The following ZNF83 variants were observed in gnomAD, a reference collection of about 807,000 sequenced individuals.
ZNF83 encodes the protein zinc finger protein 816B.
For synonymous variants in ZNF83, 209 were observed against 213.0 expected (o/e 0.98, Z 0.17); for missense variants, 552 against 629.9 (o/e 0.88, Z 1.32).
At chr19:52,615,852 T>C (rs2060284962) in intron 2 of ZNF83, among the ~76,000 whole-genome samples, 1 of 152,208 alleles carries the variant, frequency 6.6e-6, no homozygotes, top group Non-Finnish European at 1.5e-5. Flanking sequence ...TTTTTTTTCT[T>C]TTTGAGACGA....
At chr19:52,673,459 C>T (rs1486124654) in intron 1 of ZNF83, among the ~76,000 whole-genome samples, 2 of 151,958 alleles carry the variant, frequency 1.3e-5, no homozygotes, top group East Asian at 3.9e-4. Context: ...GCTGAGATCG[C>T]ACCACTACAC....
At chr19:52,664,477 C>CA (rs1256843189) in intron 1 of ZNF83, among the ~76,000 whole-genome samples, 1 of 151,934 alleles carries the variant, frequency 6.6e-6, no homozygotes, top group African/African-American at 2.4e-5. Context: ...ACCTGGGTGT[C>CA]AAAGTGAGAC....
intron 3 of ZNF83, among the ~76,000 whole-genome samples, chr19:52,647,577 T>C (rs553003500): frequency 7.4e-4 from 113 of 152,144 alleles, no homozygotes; most frequent in African/African-American, 2.5e-3. Flanking sequence ...TCACTGTGCC[T>C]GGCCCCTCTG....
At chr19:52,624,046 G>A (rs2060645256) in intron 2 of ZNF83, among the ~76,000 whole-genome samples, 1 of 151,990 alleles carries the variant, frequency 6.6e-6, no homozygotes, top group Non-Finnish European at 1.5e-5. Context: ...TACCTGGACT[G>A]ACACTGACAC....
chr19:52,620,799 A>G (rs2060514053), intron 2 of ZNF83, among the ~76,000 whole-genome samples: 1 of 152,188 alleles, frequency 6.6e-6, no homozygotes, highest in South Asian at 2.1e-4. Context: ...CAACCTTATG[A>G]CTTTCCATTA....
chr19:52,672,710 T>C (rs2061742885), intron 1 of ZNF83, among the ~76,000 whole-genome samples: 1 of 152,158 alleles, frequency 6.6e-6, no homozygotes, highest in Non-Finnish European at 1.5e-5. Flanking sequence ...AATGATTCTC[T>C]TGCCTCAGCC....
At chr19:52,654,559 A>G (rs1302900958) in intron 3 of ZNF83, among the ~76,000 whole-genome samples, 6 of 152,228 alleles carry the variant, frequency 3.9e-5, no homozygotes. Flanking sequence ...TCTATTAAAA[A>G]TACAAAAATT....
At chr19:52,635,495 G>A (rs2061115801) in intron 1 of ZNF83, 1 of 162,372 alleles carries the variant, frequency 6.2e-6, no homozygotes, top group South Asian at 2.0e-4. Flanking sequence ...TGAGGCAGGT[G>A]GATCGCTTAA....
intron 2 of ZNF83, among the ~76,000 whole-genome samples, chr19:52,616,070 T>G (rs374406055): frequency 3.9e-5 from 6 of 152,322 alleles, no homozygotes; most frequent in African/African-American, 1.2e-4. Flanking sequence ...ACTCCTGACC[T>G]TAGGTGATCC....
At chr19:52,613,820 C>T (rs771833875) in exon 3 of ZNF83, 3 of 1,613,916 alleles carry the variant, frequency 1.9e-6, no homozygotes, top group South Asian at 2.2e-5. Context: ...AGATGTTGTA[C>T]AAGGTAGGAA....
chr19:52,648,586 C>A (rs145250438), intron 3 of ZNF83, among the ~76,000 whole-genome samples: 372 of 152,276 alleles, frequency 2.4e-3, no homozygotes, highest in Non-Finnish European at 4.1e-3. Flanking sequence ...ACAAGGCCAC[C>A]AGCTATGTAG....
At chr19:52,613,342 T>A in exon 3 of ZNF83, 1 of 1,614,120 alleles carries the variant, frequency 6.2e-7, no homozygotes, top group East Asian at 2.2e-5. Context: ...ACTGAAGACT[T>A]TGCCACATTC....
chr19:52,652,854 T>C, intron 3 of ZNF83: 1 of 980,850 alleles, frequency 1.0e-6, no homozygotes, highest in South Asian at 1.3e-5. Context: ...ATACAAAGGA[T>C]GACATATGAC....
At chr19:52,642,938 C>T (rs1423361641), upstream of ZNF83, among the ~76,000 whole-genome samples, 1 of 152,132 alleles carries the variant, frequency 6.6e-6, no homozygotes, top group African/African-American at 2.4e-5. Context: ...GGGCAGATTA[C>T]TTGAGGTCAG....
At chr19:52,629,188 G>A (rs144612097) in intron 2 of ZNF83, among the ~76,000 whole-genome samples, 7 of 152,240 alleles carry the variant, frequency 4.6e-5, no homozygotes, top group African/African-American at 1.7e-4. Flanking sequence ...CAAATAGCCA[G>A]AAAACAGCAC....
rs940111784 is a variant in ZNF83 at position 52,630,203 on chromosome 19, TCTGA to T, written c.-234+4859_-234+4862del. On this transcript the variant is annotated intron_variant, in intron 2 of 2. Transcript: ENST00000301096. Reference sequence around the variant, plus strand: ...CCCCTGGAACGCTGGCCCATGGCTCTCTGACTGACTCCTTCCCAGATCTTCTTGG... The same window carrying T: ...CCCCTGGAACGCTGGCCCATGGCTCTCTGACTCCTTCCCAGATCTTCTTGG... Among the ~76,000 whole-genome samples the T allele has an allele frequency of 5.8e-3, 859 of 149,316 alleles. 4 individuals carry two copies. The highest frequency in any genetic ancestry group is 0.018 in the African/African-American group (758 of 41,364).
At position 52,635,148 on chromosome 19, in the gene ZNF83, T is replaced by C. The variant is rs2061104992; in HGVS notation, c.-316A>G. 2 of 648,658 alleles carry C rather than the reference T, an allele frequency of 3.1e-6. No homozygotes were observed. The highest frequency in any genetic ancestry group is 5.1e-5 in the East Asian group (2 of 39,394). 40.2% of individuals were successfully genotyped at this position (648,658 alleles called of 1,614,324 possible). ...CTCATGTACCAAGAGTCCTTAGAAG[T>C]CAATCCTGAATGTTAAAAATATGTT... On this transcript the variant is annotated 5_prime_UTR_variant, in exon 2 of 3. The change abolishes the stop of an existing upstream ORF in the 5' untranslated region. Coordinates refer to ENST00000301096, the Ensembl canonical transcript of ZNF83.
chr19:52,682,757 C>A (rs1487450325), intron 1 of ZNF83, among the ~76,000 whole-genome samples: 1 of 152,116 alleles, frequency 6.6e-6, no homozygotes, highest in East Asian at 1.9e-4. Context: ...ATCCTTCTAG[C>A]TCTTTGGGAG....
exon 2 of ZNF83, chr19:52,660,843 T>C: frequency 5.6e-6 from 1 of 177,914 alleles, no homozygotes; most frequent in Non-Finnish European, 1.2e-5. Flanking sequence ...GGAAATTAAT[T>C]CTGTGTGAGA....
Sources: gnomAD v4.1 joint callset for allele counts (sites outside exome capture counted in the v4.1 genomes callset) on GRCh38, gnomAD v4.1.1 for gene constraint, MANE v1.5 for transcripts, NCBI Gene and HGNC (gene_info 2026-07-23, HGNC 2026-07-21) for gene names.